Variants in SRRM4 observed in about 807,000 individuals in gnomAD.
SRRM4 encodes serine/arginine repetitive matrix 4.
In SRRM4, 33 loss-of-function variants were observed where a neutral mutation model predicts 68.9. The ratio of observed to expected loss-of-function variants is 0.48; its 90% CI spans 0.36 to 0.64. The LOEUF (loss-of-function observed/expected upper bound fraction) is 0.64, where lower values mean the gene tolerates loss of function less well. Among genes scored for constraint, SRRM4 ranks in the 30% least tolerant of loss-of-function variants. The pLI, the probability that SRRM4 is intolerant of heterozygous loss-of-function variation, is 0.00. For synonymous variants in SRRM4, 318 were observed against 318.8 expected, an observed-to-expected ratio of 1.00 and a Z score of 0.03; for missense variants, 817 against 827.1, an observed-to-expected ratio of 0.99 and a Z score of 0.15.
At chr12:119,091,316 T>G (rs73211887) in intron 1 of SRRM4, among the ~76,000 whole-genome samples, 12,022 of 152,184 alleles carry the variant, frequency 0.079, 534 homozygotes, top group African/African-American at 0.1. Context: ...GGTTCCAGGA[T>G]CATTTCTAGG....
chr12:119,013,175 C>T (rs967441401), intron 1 of SRRM4, among the ~76,000 whole-genome samples: 2 of 152,110 alleles, frequency 1.3e-5, no homozygotes, highest in Non-Finnish European at 2.9e-5. Flanking sequence ...TGGAGTCAAT[C>T]AGGCTGTTTC....
chr12:119,110,865 T>A lies in SRRM4; in HGVS notation c.279-3413T>A, dbSNP rs553760671. On this transcript the variant is annotated intron_variant, in intron 2 of 12. Coordinates refer to ENST00000267260, the MANE Select transcript of SRRM4 (RefSeq NM_194286.4). ...CCCCCATGAGATGAACCCGGTACCT[T>A]AGTTGGAAATACAGAAATCACCCGT... is the stretch of plus-strand genomic sequence containing the variant. Among the ~76,000 whole-genome samples, 22 of 152,256 alleles carry A rather than the reference T, an allele frequency of 1.4e-4. No homozygotes were observed. The East Asian group carries it at 2.5e-3, about 17-fold the overall frequency.
intron 1 of SRRM4, among the ~76,000 whole-genome samples, chr12:119,039,642 G>C (rs1953652462): frequency 6.6e-6 from 1 of 152,024 alleles, no homozygotes; most frequent in African/African-American, 2.4e-5. Context: ...TAAGATTGTT[G>C]GACACCTTAC....
intron 1 of SRRM4, among the ~76,000 whole-genome samples, chr12:118,997,241 C>T (rs1157137864): frequency 2.6e-5 from 4 of 152,122 alleles, no homozygotes; most frequent in Admixed American, 6.5e-5. Flanking sequence ...TCTCTAAGCA[C>T]CAAATTTGGT....
chr12:119,112,548 C>G lies in SRRM4; in HGVS notation c.279-1730C>G, dbSNP rs138830344. On this transcript the variant is annotated intron_variant, in intron 2 of 12. Transcript: ENST00000267260. ...ACAATAGCAAAGACATGAAATGAAC[C>G]CAAATGCCCATCAATGATAGGCTGG... Among the ~76,000 whole-genome samples, 654 of 152,144 alleles carry G rather than the reference C, an allele frequency of 4.3e-3. 2 individuals carry two copies. The highest frequency in any genetic ancestry group is 0.015 in the African/African-American group (625 of 41,502).
intron 1 of SRRM4, among the ~76,000 whole-genome samples, chr12:119,048,129 C>T (rs1276560797): frequency 6.6e-6 from 1 of 152,216 alleles, no homozygotes; most frequent in Non-Finnish European, 1.5e-5. Context: ...ATTAGAACCC[C>T]TGTTTTACAA....
chr12:119,021,624 C>A (rs1032603605), intron 1 of SRRM4, among the ~76,000 whole-genome samples: 1 of 152,126 alleles, frequency 6.6e-6, no homozygotes, highest in African/African-American at 2.4e-5. Context: ...CAGCTTTTGT[C>A]CCCTCCCACT....
chr12:119,081,945 A>G (rs573212452), intron 1 of SRRM4, among the ~76,000 whole-genome samples: 4 of 152,230 alleles, frequency 2.6e-5, no homozygotes, highest in African/African-American at 4.8e-5. Context: ...CTTTACTTTA[A>G]TTGGAAACCA....
intron 9 of SRRM4, among the ~76,000 whole-genome samples, chr12:119,148,510 G>A (rs768197530): frequency 2.0e-5 from 3 of 152,184 alleles, no homozygotes; most frequent in Admixed American, 6.5e-5. Flanking sequence ...GTTCATATTC[G>A]TTGAGCCCAA....
At chr12:119,121,501 T>C (rs998628020) in intron 5 of SRRM4, among the ~76,000 whole-genome samples, 1 of 152,202 alleles carries the variant, frequency 6.6e-6, no homozygotes, top group Non-Finnish European at 1.5e-5. Context: ...CCAAGCGTCA[T>C]GAGAGTTCAA....
chr12:119,122,069 GCTC>G lies in SRRM4; in HGVS notation c.468_470del (p.Ser158del), dbSNP rs1269969973. Reference sequence around the variant, plus strand: ...CAATTAATTGACCATTTCTTGTTTAGCTCCTCTAGCCCAAAAAGCAAAAGAAGA... The same window carrying G: ...CAATTAATTGACCATTTCTTGTTTAGCTCTAGCCCAAAAAGCAAAAGAAGA... On this transcript the variant is annotated inframe_deletion and splice_region_variant, in exon 6 of 13. Coordinates refer to ENST00000267260, the MANE Select transcript of SRRM4 (RefSeq NM_194286.4). 1.2e-6 allele frequency: 2 copies of G among 1,604,968 alleles called. No individual in the cohort carries two copies. Among genetic ancestry groups the G allele is most frequent in the East Asian group, 4.5e-5 (2 of 44,816 alleles).
chr12:119,153,780 C>G, intron 11 of SRRM4, 131 bp downstream of exon 11: 1 of 663,636 alleles, frequency 1.5e-6, no homozygotes, highest in South Asian at 1.8e-5. Context: ...AGCATTCTTA[C>G]AGTTCCCTTT....
At chr12:119,093,388 A>T (rs1484746754) in intron 1 of SRRM4, among the ~76,000 whole-genome samples, 1 of 152,110 alleles carries the variant, frequency 6.6e-6, no homozygotes, top group Non-Finnish European at 1.5e-5. Context: ...TGTACCAAGG[A>T]TCCTCCTTTC....
chr12:119,096,563 C>T (rs796124672), intron 1 of SRRM4, among the ~76,000 whole-genome samples: 105 of 152,238 alleles, frequency 6.9e-4, no homozygotes, highest in African/African-American at 2.4e-3. Flanking sequence ...GTGGAGAGAA[C>T]GCTGGGCTGG....
At chr12:119,099,471 C>T (rs78350672) in intron 1 of SRRM4, among the ~76,000 whole-genome samples, 1,981 of 152,300 alleles carry the variant, frequency 0.013, 33 homozygotes, top group East Asian at 0.098. Context: ...TTTGAACTTG[C>T]TATTCCTTCT....
At chr12:119,088,288 C>G (rs186388181) in intron 1 of SRRM4, among the ~76,000 whole-genome samples, 1 of 152,230 alleles carries the variant, frequency 6.6e-6, no homozygotes, top group Admixed American at 6.5e-5. Context: ...CATCAGAGGT[C>G]ACTGGGGCCA....
chr12:119,004,308 T>G (rs1248040037), intron 1 of SRRM4, among the ~76,000 whole-genome samples: 1 of 151,988 alleles, frequency 6.6e-6, no homozygotes, highest in East Asian at 2.0e-4. Context: ...TTCTGCTCCT[T>G]GCGTCCTGTG....
intron 1 of SRRM4, among the ~76,000 whole-genome samples, chr12:118,988,940 G>T (rs1190586930): frequency 6.6e-6 from 1 of 152,176 alleles, no homozygotes; most frequent in African/African-American, 2.4e-5. Context: ...GAGGCAGAGG[G>T]AACAGCAAGT....
intron 9 of SRRM4, among the ~76,000 whole-genome samples, chr12:119,148,792 C>G (rs1026211464): frequency 3.3e-5 from 5 of 152,202 alleles, no homozygotes; most frequent in Non-Finnish European, 7.3e-5. Context: ...TTAGACCCAG[C>G]CTTTCACTTT....
Sources: gnomAD v4.1 joint callset for allele counts (sites outside exome capture counted in the v4.1 genomes callset) on GRCh38, gnomAD v4.1.1 for gene constraint, MANE v1.5 for transcripts, NCBI Gene and HGNC (gene_info 2026-07-23, HGNC 2026-07-21) for gene names.